Variants in RBFOX3 observed in about 807,000 individuals in gnomAD.
RBFOX3 encodes the protein RNA binding protein fox-1 homolog 3.
A neutral mutation model predicts 48.7 loss-of-function variants in RBFOX3; 17 were observed. That is an observed-to-expected ratio of 0.35 (90% CI 0.24 to 0.52). The LOEUF is 0.52. RBFOX3 is among the 20% of genes least tolerant of loss of function. RBFOX3 has a pLI of 0.94. For missense variants in RBFOX3, 382 were observed against 497.5 expected (o/e 0.77, Z 2.21); for synonymous variants, 212 against 209.5 (o/e 1.01, Z -0.10).
intron 1 of RBFOX3, among the ~76,000 whole-genome samples, chr17:79,608,649 C>T (rs2093893659): frequency 6.6e-6 from 1 of 152,196 alleles, no homozygotes; most frequent in Non-Finnish European, 1.5e-5. Context: ...GCTTCTTGCT[C>T]CTTAACCCCT....
At chr17:79,516,856 C>T (rs1415758203) in intron 1 of RBFOX3, among the ~76,000 whole-genome samples, 7 of 152,154 alleles carry the variant, frequency 4.6e-5, no homozygotes, top group Non-Finnish European at 1.0e-4. Context: ...ACCTCGAAAA[C>T]GTGACGCCGA....
intron 2 of RBFOX3, among the ~76,000 whole-genome samples, chr17:79,399,298 C>T (rs1205403442): frequency 6.6e-6 from 1 of 152,226 alleles, no homozygotes; most frequent in African/African-American, 2.4e-5. Flanking sequence ...ATCCCCGCTT[C>T]ACAAATGAGG....
intron 1 of RBFOX3, among the ~76,000 whole-genome samples, chr17:79,602,979 T>A (rs993269471): frequency 6.7e-4 from 97 of 143,996 alleles, no homozygotes; most frequent in African/African-American, 2.4e-3. Context: ...CCTCTCTCCT[T>A]GAGCTACCCT....
chr17:79,247,460 G>A lies in RBFOX3; in HGVS notation c.-73-11655C>T, dbSNP rs572930164. The stretch of plus-strand genomic sequence containing the variant: ...CCCGAGTAGCTGGGATTACAGGTGT[G>A]CACACCAAGCCTGGGTAATTTTTGT... On this transcript the variant is annotated intron_variant, in intron 3 of 14. Transcript: ENST00000693108. Among the ~76,000 whole-genome samples the A allele has an allele frequency of 5.9e-5, 9 of 151,996 alleles. No individual in the cohort carries two copies. The South Asian group carries it at 1.9e-3, about 32-fold the overall frequency.
chr17:79,286,579 T>A (rs1024411326), intron 3 of RBFOX3, among the ~76,000 whole-genome samples: 2 of 152,222 alleles, frequency 1.3e-5, no homozygotes, highest in African/African-American at 2.4e-5. Context: ...CCTCCTGATA[T>A]GTGACAGAGC....
Position 79,421,615 on chromosome 17 carries a change from C to T in RBFOX3, c.-175+60839G>A, listed in dbSNP as rs937265838. On this transcript the variant is annotated intron_variant, in intron 2 of 14. Coordinates refer to ENST00000693108, the MANE Select transcript of RBFOX3 (RefSeq NM_001350451.2). This position sits in a 1 kb window ranked among gnomAD's most constrained non-coding sequence, Gnocchi z 4.5. ...CCCCAGAAGTTGAGGACACAAGGAA[C>T]ATGGACCCCTGACCAGGGCATGCGG... 6.6e-6 allele frequency among the ~76,000 whole-genome samples: 1 copy of T among 152,144 alleles called. No individual in the cohort carries two copies. Among genetic ancestry groups the T allele is most frequent in the Non-Finnish European group, 1.5e-5 (1 of 68,028 alleles).
At chr17:79,587,999 C>T (rs1036210992) in intron 1 of RBFOX3, among the ~76,000 whole-genome samples, 4 of 152,176 alleles carry the variant, frequency 2.6e-5, no homozygotes, top group African/African-American at 7.2e-5. Context: ...CCATGCCTGG[C>T]TCTTTTTAAA....
chr17:79,656,290 A>G, the RBFOX3 span, among the ~76,000 whole-genome samples: 1 of 152,196 alleles, frequency 6.6e-6, no homozygotes, highest in African/African-American at 2.4e-5. Context: ...CAATGCACAC[A>G]TTAATGGGCG....
intron 4 of RBFOX3, among the ~76,000 whole-genome samples, chr17:79,224,759 TA>T (rs1227075073): frequency 6.6e-6 from 1 of 152,238 alleles, no homozygotes; most frequent in Non-Finnish European, 1.5e-5. Flanking sequence ...CTGGTCACTC[TA>T]ATTGTACTGA....
At chr17:79,580,563 C>T (rs2093025385) in intron 1 of RBFOX3, among the ~76,000 whole-genome samples, 2 of 152,128 alleles carry the variant, frequency 1.3e-5, no homozygotes, top group Admixed American at 6.5e-5. Context: ...TTCAGTGAGG[C>T]ACCTCGATCA....
At chr17:79,131,665 T>C (rs940501301) in intron 4 of RBFOX3, among the ~76,000 whole-genome samples, 5 of 152,250 alleles carry the variant, frequency 3.3e-5, no homozygotes, top group Non-Finnish European at 7.3e-5. Flanking sequence ...TCCTTCATAA[T>C]AATCTGTTTT....
At chr17:79,439,263 G>A (rs903568012) in intron 2 of RBFOX3, among the ~76,000 whole-genome samples, 11 of 152,208 alleles carry the variant, frequency 7.2e-5, no homozygotes, top group Admixed American at 3.9e-4. Flanking sequence ...GCAGCACCCC[G>A]CTCCCCAGCC....
At chr17:79,647,548 G>A in the RBFOX3 span, among the ~76,000 whole-genome samples, 13 of 152,070 alleles carry the variant, frequency 8.5e-5, no homozygotes, top group Non-Finnish European at 1.8e-4. Flanking sequence ...CCATTTCCCG[G>A]CACTGGGAAA....
chr17:79,478,463 A>G (rs1345337952), intron 2 of RBFOX3, among the ~76,000 whole-genome samples: 2 of 152,210 alleles, frequency 1.3e-5, no homozygotes, highest in Admixed American at 6.5e-5. Context: ...ACCCGCTCCC[A>G]TCTCATGCTG....
In RBFOX3 at chr17:79,198,561, G is replaced by A. The variant is rs1041541294; in HGVS notation, c.-34+37205C>T. 2.0e-5 allele frequency among the ~76,000 whole-genome samples: 3 copies of A among 152,154 alleles called. No individual in the cohort carries two copies. The highest frequency in any genetic ancestry group is 4.4e-5 in the Non-Finnish European group (3 of 68,036). Reference sequence around the variant, plus strand: ...AGACTTTCCAGGATGTATTGCCCATGCCACTCGTCACTCTGATAGGACTTT... The same window carrying A: ...AGACTTTCCAGGATGTATTGCCCATACCACTCGTCACTCTGATAGGACTTT... On this transcript the variant is annotated intron_variant, in intron 4 of 14. Transcript: ENST00000693108. This position sits in a 1 kb window ranked among gnomAD's most constrained non-coding sequence, Gnocchi z 8.2.
In RBFOX3 at chr17:79,397,200, G is replaced by A. The variant is rs183599694; in HGVS notation, c.-175+85254C>T. ...AAGTGACTATCCTTTTAAGAAGCGT[G>A]GGCTGGGCGCAGTGGCTCACGCCTG... On this transcript the variant is annotated intron_variant, in intron 2 of 14. Transcript: ENST00000693108. Among the ~76,000 whole-genome samples, 12 of 152,268 alleles carry A rather than the reference G, an allele frequency of 7.9e-5. No individual in the cohort carries two copies. The East Asian group carries it at 1.5e-3, about 20-fold the overall frequency.
intron 2 of RBFOX3, among the ~76,000 whole-genome samples, chr17:79,354,086 G>C (rs563758474): frequency 1.5e-3 from 226 of 152,242 alleles, no homozygotes; most frequent in African/African-American, 5.3e-3. Context: ...CCCTCCCCAT[G>C]ACATGCACAG....
intron 2 of RBFOX3, among the ~76,000 whole-genome samples, chr17:79,401,216 G>A (rs2062761710): frequency 6.6e-6 from 1 of 152,220 alleles, no homozygotes. Context: ...GGGCTCCGCG[G>A]TCAGGTTCCA....
rs2075620382 is a variant in RBFOX3, at chr17:79,097,626, G to A, written c.622+66C>T. 3 of 1,227,008 alleles carry A rather than the reference G, an allele frequency of 2.4e-6. No individual in the cohort carries two copies. The African/African-American group carries it at 4.8e-5, about 20-fold the overall frequency. 76.0% of individuals were successfully genotyped at this position (1,227,008 alleles called of 1,614,324 possible). On this transcript the variant is annotated intron_variant, in intron 10 of 14. Coordinates refer to ENST00000693108, the MANE Select transcript of RBFOX3 (RefSeq NM_001350451.2). ...CCGCCCCTCATGCCCCGCCCCCAGAGCCCCCGGAGCCCCACGGGGCCAAGT... is the reference window on the plus strand; with the variant it reads ...CCGCCCCTCATGCCCCGCCCCCAGAACCCCCGGAGCCCCACGGGGCCAAGT...
Sources: gnomAD v4.1 joint callset for allele counts (sites outside exome capture counted in the v4.1 genomes callset) on GRCh38, gnomAD v4.1.1 for gene constraint, Gnocchi (gnomAD v3.1) non-coding constraint, MANE v1.5 for transcripts, NCBI Gene and HGNC (gene_info 2026-07-23, HGNC 2026-07-21) for gene names.